C20orf204: variants seen among roughly 807,000 people sequenced by gnomAD.
C20orf204 encodes uncharacterized protein C20orf204.
A neutral mutation model predicts 3.6 loss-of-function variants in C20orf204; 6 were observed. That is an observed-to-expected ratio of 1.68 (90% confidence interval 0.92 to 3.31). The LOEUF (loss-of-function observed/expected upper bound fraction) is 3.31. Ranked by LOEUF, C20orf204 falls within the 30% of genes most tolerant of loss-of-function variation. The pLI is 0.00. For synonymous variants in C20orf204, 80 were observed against 41.4 expected (o/e 1.93, Z -3.58); for missense variants, 167 against 89.7 (o/e 1.86, Z -3.48).
upstream of C20orf204, chr20:64,034,403 C>T (rs2059330503): frequency 6.6e-6 from 1 of 152,276 alleles, no homozygotes; most frequent in Non-Finnish European, 1.5e-5. Context: ...TGTGGGTCCC[C>T]CTTCCCTGTG....
chr20:64,037,511 G>A (rs2059342030), intron 1 of C20orf204: 1 of 169,856 alleles, frequency 5.9e-6, no homozygotes, highest in Admixed American at 6.4e-5. Context: ...CGGGGCTGGT[G>A]GGGGGCCCTG....
chr20:64,034,897 G>A (rs776445528), upstream of C20orf204: 8 of 152,338 alleles, frequency 5.3e-5, no homozygotes, highest in South Asian at 2.1e-4. Context: ...TACAGATGTG[G>A]AAACCGAGGC....
Position 64,038,454 on chromosome 20 carries a change from C to A in C20orf204, c.432+6C>A, listed in dbSNP as rs1320416704. On this transcript the variant is annotated splice_donor_region_variant and intron_variant, in intron 3 of 3. Transcript: ENST00000636176. Reference sequence around the variant, plus strand: ...ACTGCAGGACGCTGCGCCAGGTGTGCGTCCCTGAGTGCACCCAGAGCCAGA... The same window carrying A: ...ACTGCAGGACGCTGCGCCAGGTGTGAGTCCCTGAGTGCACCCAGAGCCAGA... 1.3e-6 allele frequency: 1 copy of A among 752,686 alleles called. No homozygotes were observed. Among genetic ancestry groups the A allele is most frequent in the East Asian group, 2.5e-5 (1 of 39,344 alleles). 46.6% of individuals were successfully genotyped at this position (752,686 alleles called of 1,614,324 possible).
rs764890668 is a variant in C20orf204 at position 64,038,287 on chromosome 20, C to T, written c.280-9C>T. 2.7e-6 allele frequency: 2 copies of T among 752,230 alleles called. No individual in the cohort carries two copies. The highest frequency in any genetic ancestry group is 1.8e-5 in the Admixed American group (1 of 56,468). The allele number at this position is 752,230 out of a possible 1,614,324, so 46.6% of individuals were successfully genotyped here. The stretch of plus-strand genomic sequence containing the variant: ...ACCCCCACCCCGCCTTCCTCCCTTC[C>T]CTCCCCAGGAGCACAGTATCCTCCT... On this transcript the variant is annotated splice_polypyrimidine_tract_variant and intron_variant, in intron 2 of 3. Transcript: ENST00000636176.
chr20:64,038,308 C>T lies in C20orf204; in HGVS notation c.292C>T (p.Leu98Phe), dbSNP rs1184514763. ...CTTCCCTCCCCAGGAGCACAGTATCCTCCTGTCCATCTCGTCCCTGGGTCG... is the reference window on the plus strand; with the variant it reads ...CTTCCCTCCCCAGGAGCACAGTATCTTCCTGTCCATCTCGTCCCTGGGTCG... ...SCGAQKEHSILLSISSLGRTL... is the reference protein window; with the variant it reads ...SCGAQKEHSIFLSISSLGRTL... Residue 98 changes from leucine (L) to phenylalanine (F), a missense_variant, in exon 3 of 4, where the codon CTC (leucine) becomes TTC (phenylalanine). By Grantham distance (22) the Leu-to-Phe change is conservative. Transcript: ENST00000636176. 12 of 760,628 alleles carry T rather than the reference C, an allele frequency of 1.6e-5. No homozygotes were observed. Among genetic ancestry groups the T allele is most frequent in the Non-Finnish European group, 2.9e-5 (12 of 409,802 alleles). The allele number at this position is 760,628 out of a possible 1,614,324, so 47.1% of individuals were successfully genotyped here.
At position 64,038,395 on chromosome 20, in the gene C20orf204, G is replaced by A. The variant is rs2059346690; in HGVS notation, c.379G>A (p.Val127Met). The change falls in exon 3 of 4, where the codon GTG (valine) becomes ATG (methionine). Residue 127 changes from valine to methionine, a missense_variant. Coordinates refer to ENST00000636176, the MANE Select transcript of C20orf204 (RefSeq NM_001387010.1). Reference protein sequence around the residue: ...RGALERAAWTVAVRTEAVMRR... With the variant: ...RGALERAAWTMAVRTEAVMRR... The stretch of plus-strand genomic sequence containing the variant: ...GGCCCTGGAGAGAGCTGCTTGGACC[G>A]TGGCTGTGCGCACCGAGGCGGTGAT... 3 of 770,298 alleles carry A rather than the reference G, an allele frequency of 3.9e-6. No homozygotes were observed. The highest frequency in any genetic ancestry group is 7.2e-6 in the Non-Finnish European group (3 of 414,850). 47.7% of individuals were successfully genotyped at this position (770,298 alleles called of 1,614,324 possible).
chr20:64,034,016 C>A (rs1354696636), upstream of C20orf204, among the ~76,000 whole-genome samples: 2 of 152,324 alleles, frequency 1.3e-5, no homozygotes, highest in East Asian at 3.9e-4. Flanking sequence ...TGGGAGCCAG[C>A]TGGTTCTTGT....
At chr20:64,038,253 T>G (rs763272413) in intron 2 of C20orf204, 43 bp from the exon 3 acceptor site, 1 of 742,134 alleles carries the variant, frequency 1.3e-6, no homozygotes, top group Admixed American at 1.8e-5. Flanking sequence ...CCTCTCTCAG[T>G]TTCCCCCCAC....
At chr20:64,033,807 G>A (rs943006409), upstream of C20orf204, among the ~76,000 whole-genome samples, 7 of 152,170 alleles carry the variant, frequency 4.6e-5, no homozygotes, top group African/African-American at 7.2e-5. Flanking sequence ...GCACCCGGCC[G>A]TGAGTTTATC....
At chr20:64,035,196 A>G (rs867992504), upstream of C20orf204, 15 of 152,346 alleles carry the variant, frequency 9.8e-5, no homozygotes, top group African/African-American at 3.1e-4. Flanking sequence ...TCTTGCAAAC[A>G]TTAAAGAGTG....
In C20orf204 at chr20:64,038,165, G is replaced by A. The variant is rs2059344914; in HGVS notation, c.242G>A (p.Arg81Gln). 5.1e-6 allele frequency: 3 copies of A among 587,706 alleles called. No individual in the cohort carries two copies. The highest frequency in any genetic ancestry group is 4.1e-5 in the South Asian group (2 of 48,866). 36.4% of individuals were successfully genotyped at this position (587,706 alleles called of 1,614,324 possible). A position where few individuals can be genotyped will look rare whatever the true frequency, so the allele number is the denominator to read the frequency against. The change falls in exon 2 of 4, where the codon CGG becomes CAG. Residue 81 changes from arginine (R) to glutamine (Q), a missense_variant. Transcript: ENST00000636176. ...KNLTRPGSSGRRGRPRASCGA... is the reference protein window; with the variant it reads ...KNLTRPGSSGQRGRPRASCGA... ...CTGACTAGACCCGGGAGCTCGGGAC[G>A]GCGGGGACGGCCTCGGGCCTCCTGT...
upstream of C20orf204, chr20:64,035,596 T>G (rs2059335028): frequency 6.6e-6 from 1 of 152,206 alleles, no homozygotes; most frequent in Admixed American, 6.5e-5. Flanking sequence ...CAGCCAAGGA[T>G]CGGGGGAGCC....
upstream of C20orf204, among the ~76,000 whole-genome samples, chr20:64,033,721 G>C (rs2059328257): frequency 6.6e-6 from 1 of 152,194 alleles, no homozygotes. Context: ...ACAGGCGCCC[G>C]CTGCCAAACT....
Position 64,038,829 on chromosome 20 carries a change from C to T in C20orf204, c.*70C>T, listed in dbSNP as rs765096193. Reference sequence around the variant, plus strand: ...CGCGGCAGAGCCTGGAGACGCGCCTCGTTCTGTAGACTTGTTGGTGACCTC... The same window carrying T: ...CGCGGCAGAGCCTGGAGACGCGCCTTGTTCTGTAGACTTGTTGGTGACCTC... On this transcript the variant is annotated 3_prime_UTR_variant, in exon 4 of 4. Transcript: ENST00000636176. The T allele has an allele frequency of 9.9e-6, 7 of 709,574 alleles. No individual in the cohort carries two copies. Among genetic ancestry groups the T allele is most frequent in the East Asian group, 2.8e-5 (1 of 35,754 alleles). The allele number at this position is 709,574 out of a possible 1,614,324, so 44.0% of individuals were successfully genotyped here.
At chr20:64,034,929 G>T (rs964848237), upstream of C20orf204, 1 of 152,342 alleles carries the variant, frequency 6.6e-6, no homozygotes, top group African/African-American at 2.4e-5. Context: ...GCCCTTCTCT[G>T]ACCTCAGAGC....
Position 64,038,878 on chromosome 20 carries a change from C to T in C20orf204, c.*119C>T, listed in dbSNP as rs2059349703. 1 of 731,750 alleles carries T rather than the reference C, an allele frequency of 1.4e-6. No homozygotes were observed. 45.3% of individuals were successfully genotyped at this position (731,750 alleles called of 1,614,324 possible). On this transcript the variant is annotated 3_prime_UTR_variant, in exon 4 of 4. Transcript: ENST00000636176. ...TCGGCCCCTCGCTCGACGCAGCCCG[C>T]GCTCCCCGGAGGGCCCAGGACTTGG...
upstream of C20orf204, chr20:64,035,106 C>T (rs1402881644): frequency 6.6e-6 from 1 of 152,266 alleles, no homozygotes; most frequent in Non-Finnish European, 1.5e-5. Context: ...TTCTCAAATG[C>T]TTTGAGTTGG....
chr20:64,038,814 C>G lies in C20orf204; in HGVS notation c.*55C>G, dbSNP rs527876397. ...GAGAACCAGCGGGGCCGCGGCAGAG[C>G]CTGGAGACGCGCCTCGTTCTGTAGA... is the stretch of plus-strand genomic sequence containing the variant. On this transcript the variant is annotated 3_prime_UTR_variant, in exon 4 of 4. Coordinates refer to ENST00000636176, the MANE Select transcript of C20orf204 (RefSeq NM_001387010.1). 1.4e-4 allele frequency: 100 copies of G among 702,422 alleles called. 1 individual carries two copies. Among genetic ancestry groups the G allele is most frequent in the East Asian group, 1.4e-3 (50 of 35,132 alleles). The allele number at this position is 702,422 out of a possible 1,614,324, so 43.5% of individuals were successfully genotyped here. A position where few individuals can be genotyped will look rare whatever the true frequency, so the allele number is the denominator to read the frequency against.
Position 64,038,739 on chromosome 20 carries a change from C to G in C20orf204, c.550C>G (p.Pro184Ala). Residue 184 changes from proline (P) to alanine (A), a missense_variant, in exon 4 of 4, where the codon CCG (proline) becomes GCG (alanine). Transcript: ENST00000636176. ...CWEKLFALRA[P>A]ASRDS Reference sequence around the variant, plus strand: ...GGAGAAGCTCTTCGCGCTGCGCGCCCCGGCCTCCAGGGACTCCTAGCGCGG... The same window carrying G: ...GGAGAAGCTCTTCGCGCTGCGCGCCGCGGCCTCCAGGGACTCCTAGCGCGG... 1 of 690,706 alleles carries G rather than the reference C, an allele frequency of 1.4e-6. No homozygotes were observed. The highest frequency in any genetic ancestry group is 3.0e-5 in the East Asian group (1 of 33,664). 42.8% of individuals were successfully genotyped at this position (690,706 alleles called of 1,614,324 possible).
Sources: gnomAD v4.1 joint callset for allele counts (sites outside exome capture counted in the v4.1 genomes callset) on GRCh38, gnomAD v4.1.1 for gene constraint, MANE v1.5 for transcripts, NCBI Gene and HGNC (gene_info 2026-07-23, HGNC 2026-07-21) for gene names.